The following SDCCAG8 variants were observed in gnomAD, a reference collection of about 807,000 sequenced individuals.
The protein encoded by SDCCAG8 is SHH signaling and ciliogenesis regulator SDCCAG8.
A neutral mutation model predicts 101.8 loss-of-function variants in SDCCAG8; 74 were observed. That is an observed-to-expected ratio of 0.73 (90% CI 0.60 to 0.88). The LOEUF (loss-of-function observed/expected upper bound fraction) is 0.88. Among genes scored for constraint, SDCCAG8 ranks in the 40% least tolerant of loss-of-function variants. The pLI is 0.00. For missense variants in SDCCAG8, 787 were observed against 822.6 expected (o/e 0.96, Z 0.53); for synonymous variants, 281 against 292.9 (o/e 0.96, Z 0.41).
rs775394110 is a variant in SDCCAG8 at position 243,330,602 on chromosome 1, A to G, written c.1131A>G (p.Lys377=). The G allele has an allele frequency of 1.4e-5, 22 of 1,614,032 alleles. No homozygotes were observed. The East Asian group carries it at 4.7e-4, about 34-fold the overall frequency. The change falls in exon 10 of 18, where the codon AAA becomes AAG. Residue 377 remains lysine (K), a synonymous_variant. Transcript: ENST00000366541. The stretch of plus-strand genomic sequence containing the variant: ...AGAGGCAGGCGGAGCGACTTGAAAA[A>G]GAACTTGCATCTCAGCAAGAGAAAA... ...ELERQAERLE[K]ELASQQEKRA... is the part of the protein sequence containing the mutation.
intron 16 of SDCCAG8, among the ~76,000 whole-genome samples, chr1:243,450,729 G>C (rs1173934540): frequency 6.6e-6 from 1 of 152,158 alleles, no homozygotes; most frequent in East Asian, 1.9e-4. Flanking sequence ...TGCCATCTCA[G>C]CTCACTGCAA....
chr1:243,265,312 C>T (rs1360281057), intron 1 of SDCCAG8, among the ~76,000 whole-genome samples: 2 of 152,182 alleles, frequency 1.3e-5, no homozygotes, highest in African/African-American at 4.8e-5. Flanking sequence ...TCCTCTCTGA[C>T]CCTAGTAACT....
intron 13 of SDCCAG8, among the ~76,000 whole-genome samples, chr1:243,382,223 C>T (rs1038125752): frequency 2.0e-5 from 3 of 152,010 alleles, no homozygotes; most frequent in Non-Finnish European, 4.4e-5. Flanking sequence ...TAGGCAGGAG[C>T]GTCAACATGA....
chr1:243,304,399 A>G (rs894081409), intron 6 of SDCCAG8, among the ~76,000 whole-genome samples: 7 of 152,194 alleles, frequency 4.6e-5, no homozygotes, highest in Admixed American at 2.0e-4. Flanking sequence ...TTCTAATAAG[A>G]TTTGATCTTT....
chr1:243,356,690 G>A (rs997729340), intron 12 of SDCCAG8, among the ~76,000 whole-genome samples: 3 of 151,898 alleles, frequency 2.0e-5, no homozygotes, highest in African/African-American at 4.8e-5. Flanking sequence ...GCTGATTGTC[G>A]AAAATAACTT....
intron 16 of SDCCAG8, among the ~76,000 whole-genome samples, chr1:243,478,656 T>C (rs1346144696): frequency 6.6e-6 from 1 of 151,960 alleles, no homozygotes; most frequent in Non-Finnish European, 1.5e-5. Context: ...GCACGGGAAA[T>C]GTAAACAGCA....
At chr1:243,489,180 G>A (rs201090097) in intron 17 of SDCCAG8, 40 bp downstream of exon 17, 5 of 1,605,682 alleles carry the variant, frequency 3.1e-6, no homozygotes, top group African/African-American at 1.3e-5. Context: ...GTCCTTGGGC[G>A]GGCGTCTACA....
At chr1:243,312,281 A>G (rs1172439620) in intron 8 of SDCCAG8, among the ~76,000 whole-genome samples, 1 of 152,242 alleles carries the variant, frequency 6.6e-6, no homozygotes, top group Non-Finnish European at 1.5e-5. Flanking sequence ...TTAACATGGA[A>G]TGTTTAAAAA....
intron 15 of SDCCAG8, among the ~76,000 whole-genome samples, chr1:243,424,314 C>A (rs1168031909): frequency 6.6e-6 from 1 of 151,892 alleles, no homozygotes; most frequent in African/African-American, 2.4e-5. Context: ...ACCTCCCCCA[C>A]CAGTGACATC....
intron 16 of SDCCAG8, among the ~76,000 whole-genome samples, chr1:243,481,445 A>G (rs569004794): frequency 6.6e-6 from 1 of 152,304 alleles, no homozygotes; most frequent in South Asian, 2.1e-4. Context: ...AGTAACGTGT[A>G]GTATTGTTAT....
chr1:243,429,958 G>C lies in SDCCAG8; in HGVS notation c.1985+3400G>C, dbSNP rs142008572. On this transcript the variant is annotated intron_variant, in intron 16 of 17. Transcript: ENST00000366541. The stretch of plus-strand genomic sequence containing the variant: ...CCTGAGGTGATCCGCCTACCTCGGC[G>C]TCCTCTGGGATTACAGGCATGAGCC... Among the ~76,000 whole-genome samples the C allele has an allele frequency of 8.9e-3, 1,349 of 151,866 alleles. 25 individuals carry two copies. The highest frequency in any genetic ancestry group is 0.031 in the African/African-American group (1,302 of 41,404).
intron 16 of SDCCAG8, among the ~76,000 whole-genome samples, chr1:243,433,250 C>T (rs2081914021): frequency 6.6e-6 from 1 of 151,580 alleles, no homozygotes; most frequent in African/African-American, 2.4e-5. Flanking sequence ...AAAAGATATA[C>T]TCTGCCTTGG....
intron 12 of SDCCAG8, among the ~76,000 whole-genome samples, chr1:243,355,414 T>G (rs1339778697): frequency 6.6e-6 from 1 of 152,154 alleles, no homozygotes; most frequent in Admixed American, 6.5e-5. Flanking sequence ...TGAGTCAAGC[T>G]GTCATTGAAA....
At chr1:243,299,507 A>G (rs1341048735) in intron 6 of SDCCAG8, among the ~76,000 whole-genome samples, 5 of 151,970 alleles carry the variant, frequency 3.3e-5, no homozygotes, top group Non-Finnish European at 5.9e-5. Context: ...TCTGCCTCCC[A>G]GGTTCCAGCT....
intron 9 of SDCCAG8, among the ~76,000 whole-genome samples, chr1:243,325,895 G>T (rs1000667355): frequency 5.9e-5 from 9 of 152,236 alleles, no homozygotes; most frequent in Admixed American, 5.2e-4. Flanking sequence ...AAGAGGAAAA[G>T]AATTCACCTG....
chr1:243,262,775 C>T (rs1363365917), intron 1 of SDCCAG8, among the ~76,000 whole-genome samples: 1 of 152,172 alleles, frequency 6.6e-6, no homozygotes, highest in African/African-American at 2.4e-5. Context: ...CACCATTTTA[C>T]TTGATGATAA....
At chr1:243,459,863 G>C (rs1052625895) in intron 16 of SDCCAG8, among the ~76,000 whole-genome samples, 1 of 152,186 alleles carries the variant, frequency 6.6e-6, no homozygotes, top group Admixed American at 6.5e-5. Flanking sequence ...CCCAGGCCTC[G>C]AGAAGCTAGT....
chr1:243,381,658 A>C (rs2077965785), intron 13 of SDCCAG8, among the ~76,000 whole-genome samples: 1 of 152,198 alleles, frequency 6.6e-6, no homozygotes, highest in Non-Finnish European at 1.5e-5. Context: ...TGTAACATTC[A>C]CTTAGTCAAC....
chr1:243,399,801 C>T (rs1347738485), intron 13 of SDCCAG8, among the ~76,000 whole-genome samples: 5 of 152,180 alleles, frequency 3.3e-5, no homozygotes, highest in African/African-American at 4.8e-5. Context: ...TGAGCCATGG[C>T]ACTCAGCCCG....
Sources: gnomAD v4.1 joint callset for allele counts (sites outside exome capture counted in the v4.1 genomes callset) on GRCh38, gnomAD v4.1.1 for gene constraint, MANE v1.5 for transcripts, NCBI Gene and HGNC (gene_info 2026-07-23, HGNC 2026-07-21) for gene names.